The following CSRNP3 variants were observed in gnomAD, a reference collection of about 807,000 sequenced individuals.
The protein encoded by CSRNP3 is cysteine and serine rich nuclear protein 3.
A neutral mutation model predicts 48.0 loss-of-function variants in CSRNP3; 12 were observed. That is an observed-to-expected ratio of 0.25 (90% CI 0.16 to 0.41). CSRNP3 has a LOEUF of 0.41. CSRNP3 is among the 10% of genes least tolerant of loss of function. The pLI, the probability that CSRNP3 is intolerant of heterozygous loss-of-function variation, is 1.00. For synonymous variants in CSRNP3, 263 were observed against 269.7 expected (o/e 0.98, Z 0.24); for missense variants, 580 against 724.4 (o/e 0.80, Z 2.29).
chr2:165,524,025 A>G (rs900987562), intron 3 of CSRNP3, among the ~76,000 whole-genome samples: 1 of 152,222 alleles, frequency 6.6e-6, no homozygotes. Context: ...ATGGGGTGTC[A>G]ATGTCTAACA....
intron 4 of CSRNP3, among the ~76,000 whole-genome samples, chr2:165,598,568 G>A (rs13389345): frequency 0.29 from 43,509 of 152,050 alleles, 6,580 homozygotes; most frequent in Admixed American, 0.4. Context: ...GGCCTGGTGA[G>A]CTAAGGTATA....
intron 4 of CSRNP3, among the ~76,000 whole-genome samples, chr2:165,599,060 C>T (rs533321770): frequency 6.6e-6 from 1 of 151,368 alleles, no homozygotes; most frequent in South Asian, 2.1e-4. Context: ...GGTCTCAAAT[C>T]CCCATCTCTA....
intron 5 of CSRNP3, among the ~76,000 whole-genome samples, chr2:165,674,681 AATATATATATATATATATAT>A (rs59117817): frequency 9.7e-6 from 1 of 103,232 alleles, no homozygotes; most frequent in South Asian, 3.2e-4. Flanking sequence ...AATACTTCTG[AATATATATATATATATATAT>A]ATATATATAT....
chr2:165,649,937 G>A (rs1264923442), intron 4 of CSRNP3, among the ~76,000 whole-genome samples: 1 of 152,046 alleles, frequency 6.6e-6, no homozygotes, highest in African/African-American at 2.4e-5. Context: ...CATTGTTTAA[G>A]GTGGGTTTTT....
intron 1 of CSRNP3, among the ~76,000 whole-genome samples, chr2:165,484,195 T>C (rs1482920692): frequency 1.3e-5 from 2 of 152,016 alleles, no homozygotes; most frequent in Non-Finnish European, 2.9e-5. Flanking sequence ...GTTCAAGCAA[T>C]TTTTCTTATG....
rs897347216 is a variant in CSRNP3, at chr2:165,648,794, C to T, written c.149-8967C>T. On this transcript the variant is annotated intron_variant, in intron 4 of 6. Coordinates refer to ENST00000651982, the MANE Select transcript of CSRNP3 (RefSeq NM_001172173.2). ...ATATTAATTATTTATGACATGAAGG[C>T]TGGAAGGTCAAAGTGTGTGTTAAAT... Among the ~76,000 whole-genome samples, 12 of 152,254 alleles carry T rather than the reference C, an allele frequency of 7.9e-5. No individual in the cohort carries two copies. The East Asian group carries it at 1.9e-3, about 25-fold the overall frequency.
In CSRNP3 at chr2:165,682,268, T is replaced by C. The variant is rs984424288; in HGVS notation, c.*2515T>C. 5 of 152,120 alleles carry C rather than the reference T, an allele frequency of 3.3e-5. No individual in the cohort carries two copies. Among genetic ancestry groups the C allele is most frequent in the South Asian group, 2.1e-4 (1 of 4,834 alleles). The allele number at this position is 152,120 out of a possible 1,614,324, so 9.4% of individuals were successfully genotyped here. A position where few individuals can be genotyped will look rare whatever the true frequency, so the allele number is the denominator to read the frequency against. ...GATGCTTAAGAAAACAGAGTTTTTT[T>C]CCCCTATCCATTTATCTAGGGTAGA... On this transcript the variant is annotated 3_prime_UTR_variant, in exon 7 of 7. Coordinates refer to ENST00000651982, the MANE Select transcript of CSRNP3 (RefSeq NM_001172173.2).
At chr2:165,545,450 G>A (rs1685012551) in intron 3 of CSRNP3, among the ~76,000 whole-genome samples, 7 of 152,172 alleles carry the variant, frequency 4.6e-5, no homozygotes, top group Admixed American at 4.6e-4. Flanking sequence ...GTTAGGATTG[G>A]ATTTGGCACA....
rs75836050 is a variant in CSRNP3 at position 165,569,573 on chromosome 2, T to G, written c.-23-25470T>G. 8.2e-3 allele frequency among the ~76,000 whole-genome samples: 1,241 copies of G among 152,194 alleles called. 17 individuals carry two copies. The highest frequency in any genetic ancestry group is 0.028 in the African/African-American group (1,177 of 41,534). On this transcript the variant is annotated intron_variant, in intron 3 of 6. Transcript: ENST00000651982. ...CATAATTTTTTTCCAATTCACAGCT[T>G]TTAATATGCCAAAGTAAATTAAAAC...
At chr2:165,537,072 C>T (rs1186460726) in intron 3 of CSRNP3, among the ~76,000 whole-genome samples, 1 of 151,670 alleles carries the variant, frequency 6.6e-6, no homozygotes, top group Non-Finnish European at 1.5e-5. Context: ...AAAGAACCAT[C>T]CACAGCAGTC....
At chr2:165,623,406 T>C (rs1330860352) in intron 4 of CSRNP3, among the ~76,000 whole-genome samples, 1 of 152,188 alleles carries the variant, frequency 6.6e-6, no homozygotes, top group Admixed American at 6.5e-5. Flanking sequence ...TATGAGAATC[T>C]AATGATAAAC....
At chr2:165,606,615 A>C (rs34199609) in intron 4 of CSRNP3, among the ~76,000 whole-genome samples, 59,987 of 151,936 alleles carry the variant, frequency 0.39, 12,011 homozygotes, top group Admixed American at 0.48. Flanking sequence ...CAGGTGATTG[A>C]ATTACTAAGG....
chr2:165,576,690 A>G (rs1436530506), intron 3 of CSRNP3, among the ~76,000 whole-genome samples: 2 of 152,030 alleles, frequency 1.3e-5, no homozygotes, highest in Non-Finnish European at 2.9e-5. Context: ...GAGCCATACT[A>G]CTTCCATACA....
At chr2:165,540,266 C>T (rs972709407) in intron 3 of CSRNP3, among the ~76,000 whole-genome samples, 1 of 151,982 alleles carries the variant, frequency 6.6e-6, no homozygotes, top group African/African-American at 2.4e-5. Context: ...TTGTTAAATT[C>T]AGTGTACTGG....
chr2:165,495,835 A>T (rs1271039705), intron 2 of CSRNP3, among the ~76,000 whole-genome samples: 1 of 152,008 alleles, frequency 6.6e-6, no homozygotes, highest in African/African-American at 2.4e-5. Flanking sequence ...CTGTTTTCAC[A>T]ATAGTTTTTT....
chr2:165,509,132 T>C (rs979579284), intron 2 of CSRNP3, among the ~76,000 whole-genome samples: 1 of 152,188 alleles, frequency 6.6e-6, no homozygotes, highest in African/African-American at 2.4e-5. Flanking sequence ...CCCCTCATGA[T>C]GTCTACATTA....
intron 3 of CSRNP3, among the ~76,000 whole-genome samples, chr2:165,585,588 CA>C (rs1256776397): frequency 1.3e-5 from 2 of 152,172 alleles, no homozygotes; most frequent in African/African-American, 4.8e-5. Context: ...CTGATTGAAG[CA>C]AGCACCCTTA....
At chr2:165,607,533 G>T (rs1485368736) in intron 4 of CSRNP3, among the ~76,000 whole-genome samples, 1 of 152,072 alleles carries the variant, frequency 6.6e-6, no homozygotes, top group Non-Finnish European at 1.5e-5. Context: ...CATGGAAATT[G>T]CTTCTGTGCT....
intron 4 of CSRNP3, among the ~76,000 whole-genome samples, chr2:165,602,331 T>A (rs1189353977): frequency 6.6e-6 from 1 of 152,068 alleles, no homozygotes; most frequent in Admixed American, 6.6e-5. Context: ...CCTCTGAAAA[T>A]CTACTATTAA....
Sources: gnomAD v4.1 joint callset for allele counts (sites outside exome capture counted in the v4.1 genomes callset) on GRCh38, gnomAD v4.1.1 for gene constraint, MANE v1.5 for transcripts, NCBI Gene and HGNC (gene_info 2026-07-23, HGNC 2026-07-21) for gene names.